The following LYSMD4 variants were observed in gnomAD, a reference collection of about 807,000 sequenced individuals.
The protein encoded by LYSMD4 is LysM domain containing 4.
Under a neutral mutation model 6.1 loss-of-function variants are expected in LYSMD4, and 9 were observed. The observed-to-expected ratio is 1.47, with a 90% CI of 0.88 to 2.56. The LOEUF (loss-of-function observed/expected upper bound fraction) is 2.56. Ranked by LOEUF, LYSMD4 falls within the 30% of genes most tolerant of loss-of-function variation. The pLI is 0.00. For synonymous variants in LYSMD4, 143 were observed against 148.5 expected (o/e 0.96, Z 0.27); for missense variants, 384 against 373.5 (o/e 1.03, Z -0.23).
rs1254072341 is a variant in LYSMD4 at position 99,729,187 on chromosome 15, A to G, written c.827T>C (p.Val276Ala). Residue 276 changes from valine (V) to alanine (A), a missense_variant, in exon 3 of 3, where the codon GTT becomes GCT. Val to Ala is a moderately conservative substitution (Grantham distance 64). Coordinates refer to ENST00000684762, the MANE Select transcript of LYSMD4 (RefSeq NM_001284417.2). The stretch of plus-strand genomic sequence containing the variant: ...TGCAGAAGTGACGGCTGGCACTGCA[A>G]CTGCTAGTCTGGGGGCTTGCCCTGG... ...TVPGQAPRLAVAVPAVTSADS... is the reference protein window; with the variant it reads ...TVPGQAPRLAAAVPAVTSADS... 6.2e-7 allele frequency: 1 copy of G among 1,614,110 alleles called. No individual in the cohort carries two copies. The highest frequency in any genetic ancestry group is 1.3e-5 in the African/African-American group (1 of 74,942).
At chr15:99,731,164 C>A (rs1393541577) in intron 2 of LYSMD4, 1 of 1,611,386 alleles carries the variant, frequency 6.2e-7, no homozygotes, top group South Asian at 1.1e-5. Context: ...GAAATACTTT[C>A]CTACTTACTT....
chr15:99,717,890 G>C (rs1210954593), upstream of LYSMD4: 4 of 152,138 alleles, frequency 2.6e-5, no homozygotes, highest in Non-Finnish European at 4.4e-5. Flanking sequence ...TTTACTCTTA[G>C]TGTATACACT....
chr15:99,720,345 G>A (rs1235376120), upstream of LYSMD4, among the ~76,000 whole-genome samples: 1 of 152,184 alleles, frequency 6.6e-6, no homozygotes, highest in Non-Finnish European at 1.5e-5. Flanking sequence ...CTATGGCCAG[G>A]TGTGGTGGCT....
At chr15:99,731,510 C>T (rs1210612680) in intron 2 of LYSMD4, 27 of 1,573,916 alleles carry the variant, frequency 1.7e-5, no homozygotes, top group Non-Finnish European at 2.2e-5. Flanking sequence ...ATGCGCTAAC[C>T]CTCCCTCTTT....
Position 99,729,447 on chromosome 15 carries a change from T to C in LYSMD4, c.567A>G (p.Glu189=). The C allele has an allele frequency of 6.2e-7, 1 of 1,614,130 alleles. No homozygotes were observed. Among genetic ancestry groups the C allele is most frequent in the South Asian group, 1.1e-5 (1 of 91,080 alleles). The change falls in exon 3 of 3, where the codon GAA becomes GAG. Residue 189 remains glutamate, a synonymous_variant. Coordinates refer to ENST00000684762, the MANE Select transcript of LYSMD4 (RefSeq NM_001284417.2). The part of the protein sequence containing the change: ...RAVQSEIFLH[E]SYCMDTSHQP... ...GATGGGAGGTGTCCATGCAGTAACT[T>C]TCATGTAGAAAGATTTCTGACTGCA...
upstream of LYSMD4, among the ~76,000 whole-genome samples, chr15:99,719,252 CTT>C (rs751214622): frequency 2.6e-5 from 4 of 152,182 alleles, no homozygotes; most frequent in Non-Finnish European, 4.4e-5. Context: ...GTGTGGTTAT[CTT>C]ACTATTTGTA....
Position 99,728,708 on chromosome 15 carries a change from C to A in LYSMD4, c.*415G>T, listed in dbSNP as rs1470931675. 9.3e-6 allele frequency: 2 copies of A among 214,252 alleles called. No homozygotes were observed. The highest frequency in any genetic ancestry group is 1.9e-5 in the Non-Finnish European group (2 of 104,086). The allele number at this position is 214,252 out of a possible 1,614,324, so 13.3% of individuals were successfully genotyped here. ...CACTCCTTCTCAGAGCCAATCCCCGCTCCACAGGAAGTGAGGATACAGCAA... is the reference window on the plus strand; with the variant it reads ...CACTCCTTCTCAGAGCCAATCCCCGATCCACAGGAAGTGAGGATACAGCAA... On this transcript the variant is annotated 3_prime_UTR_variant, in exon 3 of 3. Coordinates refer to ENST00000684762, the MANE Select transcript of LYSMD4 (RefSeq NM_001284417.2).
At chr15:99,717,970 G>A (rs185257291), upstream of LYSMD4, 16 of 152,276 alleles carry the variant, frequency 1.1e-4, no homozygotes, top group East Asian at 9.6e-4. Context: ...ATCCCTCAGC[G>A]GGCTTTCCCT....
chr15:99,724,206 G>A (rs1442745127), downstream of LYSMD4, among the ~76,000 whole-genome samples: 2 of 151,074 alleles, frequency 1.3e-5, no homozygotes, highest in Non-Finnish European at 2.9e-5. Context: ...ATTTCCCTCT[G>A]TGGGCCATCG....
chr15:99,733,217 C>G (rs2924787), intron 1 of LYSMD4, 128 bp downstream of exon 1: 244,084 of 372,282 alleles, frequency 0.66, 81,695 homozygotes, highest in African/African-American at 0.85. Flanking sequence ...CCAGCTGGAG[C>G]GTCCCCCTAG....
chr15:99,718,155 T>C (rs911541054), upstream of LYSMD4, among the ~76,000 whole-genome samples: 3 of 152,260 alleles, frequency 2.0e-5, no homozygotes, highest in Non-Finnish European at 4.4e-5. Context: ...GCTTTTCTTA[T>C]ATAACCTTTG....
chr15:99,725,821 G>A (rs1053568744), downstream of LYSMD4, among the ~76,000 whole-genome samples: 2 of 152,156 alleles, frequency 1.3e-5, no homozygotes, highest in Admixed American at 1.3e-4. Context: ...CAAGCCCACA[G>A]TGGACTGTCA....
chr15:99,716,799 C>A (rs905648127), exon 1 of LYSMD4: 4 of 401,210 alleles, frequency 1.0e-5, no homozygotes, highest in South Asian at 6.7e-5. Flanking sequence ...GGAATCCATT[C>A]GGCCTCCAGT....
chr15:99,718,418 G>T (rs1355940254), upstream of LYSMD4, among the ~76,000 whole-genome samples: 2 of 117,964 alleles, frequency 1.7e-5, no homozygotes, highest in Non-Finnish European at 4.0e-5. Flanking sequence ...ATATATTGGG[G>T]GAGATACCTT....
At chr15:99,716,991 G>C (rs2059191568) in exon 1 of LYSMD4, 1 of 283,744 alleles carries the variant, frequency 3.5e-6, no homozygotes, top group African/African-American at 2.2e-5. Flanking sequence ...TGAGTTTTCA[G>C]AGTGTTAGGT....
At chr15:99,716,671 C>G (rs569112364) in exon 1 of LYSMD4, 21 of 456,788 alleles carry the variant, frequency 4.6e-5, no homozygotes, top group South Asian at 3.1e-4. Flanking sequence ...CTGGCCTCCC[C>G]CTTGTCGGCT....
downstream of LYSMD4, among the ~76,000 whole-genome samples, chr15:99,722,590 G>C (rs1412594636): frequency 1.3e-5 from 2 of 152,172 alleles, no homozygotes; most frequent in African/African-American, 2.4e-5. Flanking sequence ...AATGGACCCA[G>C]AATGACATAA....
At chr15:99,724,544 C>T (rs1388074987), downstream of LYSMD4, among the ~76,000 whole-genome samples, 13 of 152,204 alleles carry the variant, frequency 8.5e-5, no homozygotes, top group Admixed American at 7.8e-4. Flanking sequence ...GGATTACAGG[C>T]GTGAGCCACT....
At chr15:99,726,545 T>G (rs2059284624), downstream of LYSMD4, among the ~76,000 whole-genome samples, 1 of 152,102 alleles carries the variant, frequency 6.6e-6, no homozygotes, top group Non-Finnish European at 1.5e-5. Context: ...GGCGGGGCCT[T>G]GACTGTCCTC....
Sources: allele counts gnomAD v4.1 joint callset (sites outside exome capture counted in the v4.1 genomes callset), GRCh38; gene constraint gnomAD v4.1.1; transcripts MANE v1.5; gene names NCBI Gene and HGNC (gene_info 2026-07-23, HGNC 2026-07-21).